AK8: variants seen among roughly 807,000 people sequenced by gnomAD.
AK8 encodes the protein ATP-AMP transphosphorylase 8.
Under a neutral mutation model 54.6 loss-of-function variants are expected in AK8, and 44 were observed. The ratio of observed to expected loss-of-function variants is 0.81; its 90% CI spans 0.63 to 1.04. The LOEUF (loss-of-function observed/expected upper bound fraction) is 1.04, where lower values mean the gene tolerates loss of function less well. Among genes scored for constraint, AK8 ranks in the 50% least tolerant of loss-of-function variants. The pLI is 0.00. For synonymous variants in AK8, 239 were observed against 245.6 expected (o/e 0.97, Z 0.25); for missense variants, 555 against 613.6 (o/e 0.90, Z 1.01).
At chr9:132,834,827 T>C (rs1842251101) in intron 5 of AK8, among the ~76,000 whole-genome samples, 1 of 151,758 alleles carries the variant, frequency 6.6e-6, no homozygotes, top group South Asian at 2.1e-4. Context: ...CTCTAGGATA[T>C]GAAAACCTGG....
chr9:132,861,414 T>C (rs912220231), intron 4 of AK8: 3 of 152,228 alleles, frequency 2.0e-5, no homozygotes, highest in African/African-American at 7.2e-5. Context: ...AATTGCTTTA[T>C]TGAAGGTTCC....
At chr9:132,873,030 T>C (rs1432635404) in intron 2 of AK8, among the ~76,000 whole-genome samples, 1 of 152,050 alleles carries the variant, frequency 6.6e-6, no homozygotes, top group East Asian at 1.9e-4. Flanking sequence ...AGCCAGGATG[T>C]TCTCGATCTC....
intron 2 of AK8, among the ~76,000 whole-genome samples, chr9:132,870,377 C>T (rs533948205): frequency 2.4e-4 from 37 of 152,312 alleles, no homozygotes; most frequent in African/African-American, 8.2e-4. Flanking sequence ...CTTCTTCCAA[C>T]CACTTCAAAG....
At chr9:132,768,984 A>G (rs908358491) in intron 11 of AK8, 1 of 146,590 alleles carries the variant, frequency 6.8e-6, no homozygotes, top group African/African-American at 2.5e-5. Context: ...CCAATCATCT[A>G]TTTATTAGAG....
chr9:132,843,503 T>C (rs968482325), intron 5 of AK8, among the ~76,000 whole-genome samples: 2 of 152,288 alleles, frequency 1.3e-5, no homozygotes, highest in African/African-American at 2.4e-5. Context: ...ATTGCAAGAA[T>C]GGCCTAATGC....
intron 5 of AK8, among the ~76,000 whole-genome samples, chr9:132,832,063 GAAAAAAAA>G (rs11284701): frequency 8.1e-5 from 1 of 12,412 alleles, no homozygotes; most frequent in Non-Finnish European, 1.4e-4. Flanking sequence ...CCTTGTCTCT[GAAAAAAAA>G]AAAAAAAAAA....
intron 11 of AK8, among the ~76,000 whole-genome samples, chr9:132,758,800 TTG>T (rs1838314430): frequency 6.6e-6 from 1 of 152,148 alleles, no homozygotes; most frequent in Admixed American, 6.6e-5. Flanking sequence ...TTTTTGGCCC[TTG>T]TGTTTTTTCT....
chr9:132,756,039 T>C (rs1590201876), intron 11 of AK8, among the ~76,000 whole-genome samples: 1 of 152,304 alleles, frequency 6.6e-6, no homozygotes, highest in East Asian at 1.9e-4. Context: ...AGTGCTGGGA[T>C]TACAGGCATG....
intron 11 of AK8, among the ~76,000 whole-genome samples, chr9:132,739,441 CAAAAAAAAAAAAAAAAAAAAAAAAA>C (rs768297504): frequency 9.6e-5 from 3 of 31,142 alleles, no homozygotes; most frequent in Admixed American, 6.1e-4. Flanking sequence ...GACTCTGTCT[CAAAAAAAAAAAAAAAAAAAAAAAAA>C]AAAAAAAAAA....
chr9:132,762,048 T>C (rs769334302), intron 11 of AK8, among the ~76,000 whole-genome samples: 6 of 152,122 alleles, frequency 3.9e-5, no homozygotes, highest in Non-Finnish European at 7.4e-5. Context: ...TTTTGTATTT[T>C]TAGTAGAAAT....
intron 11 of AK8, among the ~76,000 whole-genome samples, chr9:132,785,104 CT>C (rs550073031): frequency 2.3e-3 from 302 of 133,210 alleles, no homozygotes; most frequent in Middle Eastern, 3.9e-3. Context: ...GTGGGATACT[CT>C]TTTTTTTTTT....
At position 132,725,878 on chromosome 9, in the gene AK8, C is replaced by T. The variant is rs755888977; in HGVS notation, c.1250G>A (p.Arg417His). The T allele has an allele frequency of 2.2e-5, 35 of 1,611,242 alleles. No individual in the cohort carries two copies. Among genetic ancestry groups the T allele is most frequent in the Middle Eastern group, 1.8e-4 (1 of 5,642 alleles). ...AGCATCCTTTGGGTTCTGCAGGAGGCGAGCCTGGATCTCCATGGTGGGAGG... is the reference window on the plus strand; with the variant it reads ...AGCATCCTTTGGGTTCTGCAGGAGGTGAGCCTGGATCTCCATGGTGGGAGG... ...KPPPTMEIQARLLQNPKDAEE... is the reference protein window; with the variant it reads ...KPPPTMEIQAHLLQNPKDAEE... Residue 417 changes from arginine (R) to histidine (H), a missense_variant, in exon 13 of 13, where the codon CGC (arginine) becomes CAC (histidine). Physicochemically the swap from Arg to His is conservative, Grantham distance 29. Transcript: ENST00000298545.
At chr9:132,848,588 A>G (rs567657594) in intron 5 of AK8, among the ~76,000 whole-genome samples, 81 of 151,064 alleles carry the variant, frequency 5.4e-4, no homozygotes, top group South Asian at 1.1e-3. Context: ...GAATCACTTG[A>G]CTCTCCCGCC....
At position 132,837,029 on chromosome 9, in the gene AK8, T is replaced by C. The variant is rs1315162085; in HGVS notation, c.403-8303A>G. 6.6e-6 allele frequency among the ~76,000 whole-genome samples: 1 copy of C among 152,118 alleles called. No homozygotes were observed. Among genetic ancestry groups the C allele is most frequent in the East Asian group, 1.9e-4 (1 of 5,178 alleles). ...AAACAGACCAAACTCAGCCTAAGAA[T>C]GGGAGAACGGGCCAGGCGTGGTGGT... On this transcript the variant is annotated intron_variant, in intron 5 of 12. Transcript: ENST00000298545. The surrounding 1 kb of genome is among the most constrained non-coding windows in gnomAD (Gnocchi z 4.3).
At position 132,837,828 on chromosome 9, in the gene AK8, G is replaced by A. The variant is rs11792728; in HGVS notation, c.403-9102C>T. On this transcript the variant is annotated intron_variant, in intron 5 of 12. Transcript: ENST00000298545. The surrounding 1 kb of genome is among the most constrained non-coding windows in gnomAD (Gnocchi z 4.3). ...GAGGTGTGCTCACTGTGCTGTGCCC[G>A]GCACCTCACCAAGCCCTCAGAAGCC... 0.016 allele frequency among the ~76,000 whole-genome samples: 2,429 copies of A among 152,242 alleles called. 30 individuals are homozygous for A. Among genetic ancestry groups the A allele is most frequent in the Middle Eastern group, 0.041 (12 of 294 alleles).
At chr9:132,864,283 A>T (rs1843504034) in intron 3 of AK8, among the ~76,000 whole-genome samples, 2 of 152,230 alleles carry the variant, frequency 1.3e-5, no homozygotes, top group African/African-American at 4.8e-5. Flanking sequence ...GGACTAAAAC[A>T]TTCTTGACAC....
At chr9:132,732,506 C>A (rs1440303930) in intron 11 of AK8, among the ~76,000 whole-genome samples, 1 of 152,152 alleles carries the variant, frequency 6.6e-6, no homozygotes, top group African/African-American at 2.4e-5. Context: ...GTGCTGGCTC[C>A]TCCAGGCCAC....
At chr9:132,862,954 C>G (rs909093717) in intron 4 of AK8, among the ~76,000 whole-genome samples, 1 of 152,200 alleles carries the variant, frequency 6.6e-6, no homozygotes, top group Non-Finnish European at 1.5e-5. Context: ...ACTACAGGCA[C>G]GTGCCACCAT....
chr9:132,875,309 C>G, intron 1 of AK8, 110 bp from the exon 2 acceptor site: 1 of 1,508,034 alleles, frequency 6.6e-7, no homozygotes, highest in African/African-American at 1.4e-5. Flanking sequence ...CCAAACATGC[C>G]TTCAACCTGG....
Sources: gnomAD v4.1 joint callset for allele counts (sites outside exome capture counted in the v4.1 genomes callset) on GRCh38, gnomAD v4.1.1 for gene constraint, Gnocchi (gnomAD v3.1) non-coding constraint, MANE v1.5 for transcripts, NCBI Gene and HGNC (gene_info 2026-07-23, HGNC 2026-07-21) for gene names.